The following RARB variants were observed in gnomAD, a reference collection of about 807,000 sequenced individuals.
The protein encoded by RARB is HBV-activated protein.
Under a neutral mutation model 51.9 loss-of-function variants are expected in RARB, and 17 were observed. The ratio of observed to expected loss-of-function variants is 0.33; its 90% CI spans 0.22 to 0.49. The LOEUF (loss-of-function observed/expected upper bound fraction) is 0.49, where lower values mean the gene tolerates loss of function less well. Ranked by LOEUF, RARB falls within the 20% of genes least tolerant of loss-of-function variation. The probability of loss-of-function intolerance (pLI) is 0.99; values close to 1 mark genes in which losing one functional copy is unlikely to be tolerated. For missense variants in RARB, 369 were observed against 550.8 expected, an observed-to-expected ratio of 0.67 and a Z score of 3.30; for synonymous variants, 215 against 195.4, an observed-to-expected ratio of 1.10 and a Z score of -0.84.
chr3:25,295,144 T>C (rs947291461), intron 5 of RARB, among the ~76,000 whole-genome samples: 2 of 152,208 alleles, frequency 1.3e-5, no homozygotes, highest in African/African-American at 4.8e-5. Context: ...CAAGAGCTCT[T>C]AAGTACTTGT....
chr3:24,975,818 G>A (rs910472808), intron 2 of RARB, among the ~76,000 whole-genome samples: 7 of 151,938 alleles, frequency 4.6e-5, no homozygotes, highest in South Asian at 2.1e-4. Context: ...CGTGCACAAC[G>A]TGCAGGTTTG....
intron 2 of RARB, among the ~76,000 whole-genome samples, chr3:24,972,587 C>G (rs1048466208): frequency 6.6e-6 from 1 of 151,996 alleles, no homozygotes; most frequent in African/African-American, 2.4e-5. Flanking sequence ...AGTGGCTACA[C>G]TAATTTACAT....
chr3:25,416,167 A>C (rs141304758), intron 5 of RARB, among the ~76,000 whole-genome samples: 1 of 152,360 alleles, frequency 6.6e-6, no homozygotes, highest in East Asian at 1.9e-4. Context: ...ATATCATTTG[A>C]GCCCAGTAAT....
At chr3:24,984,755 A>G (rs2125428776) in intron 2 of RARB, among the ~76,000 whole-genome samples, 1 of 58,928 alleles carries the variant, frequency 1.7e-5, no homozygotes, top group Non-Finnish European at 3.4e-5. Context: ...TATATGCACA[A>G]AAAAGTTGCT....
At chr3:24,934,300 G>A (rs576162235) in intron 2 of RARB, among the ~76,000 whole-genome samples, 29 of 152,244 alleles carry the variant, frequency 1.9e-4, no homozygotes, top group Non-Finnish European at 3.7e-4. Context: ...CGGCTGAGGG[G>A]TTGGAAGAGT....
chr3:24,901,628 T>C (rs1703608318), intron 2 of RARB, among the ~76,000 whole-genome samples: 1 of 152,332 alleles, frequency 6.6e-6, no homozygotes, highest in East Asian at 1.9e-4. Context: ...ATACAGAGTA[T>C]GCTCAGATTT....
At chr3:25,201,311 C>T (rs1701383864) in intron 5 of RARB, among the ~76,000 whole-genome samples, 3 of 152,170 alleles carry the variant, frequency 2.0e-5, no homozygotes, top group Admixed American at 2.0e-4. Flanking sequence ...AGTTGCTTAT[C>T]AGCTTAAGGC....
chr3:25,005,756 G>A (rs1317336795), intron 2 of RARB, among the ~76,000 whole-genome samples: 2 of 152,034 alleles, frequency 1.3e-5, no homozygotes, highest in Admixed American at 1.3e-4. Context: ...TGGCTACTAC[G>A]CTCCTCCTGG....
intron 3 of RARB, among the ~76,000 whole-genome samples, chr3:25,561,957 G>A (rs985526734): frequency 2.6e-5 from 4 of 152,076 alleles, no homozygotes; most frequent in African/African-American, 4.8e-5. Context: ...GGCAGTCTAT[G>A]CCTATTCCAT....
chr3:24,981,220 G>C (rs1696663374), intron 2 of RARB, among the ~76,000 whole-genome samples: 1 of 152,210 alleles, frequency 6.6e-6, no homozygotes, highest in Non-Finnish European at 1.5e-5. Context: ...AGGCTACACA[G>C]GAGTCAGGGA....
chr3:25,268,309 C>G (rs1703172262), intron 5 of RARB, among the ~76,000 whole-genome samples: 1 of 151,704 alleles, frequency 6.6e-6, no homozygotes, highest in Non-Finnish European at 1.5e-5. Flanking sequence ...TAATGTTGGA[C>G]CTATTCAGGT....
intron 3 of RARB, among the ~76,000 whole-genome samples, chr3:25,548,013 A>G (rs1265369676): frequency 1.3e-5 from 2 of 152,124 alleles, no homozygotes; most frequent in Admixed American, 1.3e-4. Flanking sequence ...GAGCCCCAGA[A>G]AGGAAGATGG....
intron 4 of RARB, among the ~76,000 whole-genome samples, chr3:25,148,865 G>A (rs888671365): frequency 3.3e-5 from 5 of 152,140 alleles, no homozygotes; most frequent in Non-Finnish European, 7.4e-5. Flanking sequence ...GCCAGCCCCT[G>A]AAAAAGGTTG....
intron 2 of RARB, among the ~76,000 whole-genome samples, chr3:24,946,530 T>C (rs919901528): frequency 2.0e-4 from 31 of 152,094 alleles, no homozygotes; most frequent in African/African-American, 6.5e-4. Flanking sequence ...TATAACATAA[T>C]GTGTGCTTAA....
At chr3:25,153,455 C>T (rs1378846893) in intron 4 of RARB, among the ~76,000 whole-genome samples, 1 of 150,576 alleles carries the variant, frequency 6.6e-6, no homozygotes, top group Non-Finnish European at 1.5e-5. Context: ...GACTTTAGTC[C>T]ATTTGTACGA....
chr3:24,966,720 T>G (rs1186653446), intron 2 of RARB, among the ~76,000 whole-genome samples: 3 of 152,094 alleles, frequency 2.0e-5, no homozygotes, highest in African/African-American at 7.2e-5. Flanking sequence ...GTCTAAAGTA[T>G]GGGTTCACCC....
intron 2 of RARB, among the ~76,000 whole-genome samples, chr3:25,500,174 A>C (rs1033232776): frequency 1.3e-5 from 2 of 152,162 alleles, no homozygotes; most frequent in Non-Finnish European, 2.9e-5. Context: ...AATGTAGCTA[A>C]TGTAACTAAA....
At chr3:25,551,857 T>A (rs963223881) in intron 3 of RARB, among the ~76,000 whole-genome samples, 1 of 152,228 alleles carries the variant, frequency 6.6e-6, no homozygotes, top group Non-Finnish European at 1.5e-5. Flanking sequence ...GCCTTCAATC[T>A]GTTTTCCATA....
chr3:24,903,575 T>C (rs1471552203), intron 2 of RARB, among the ~76,000 whole-genome samples: 3 of 152,156 alleles, frequency 2.0e-5, no homozygotes, highest in Non-Finnish European at 4.4e-5. Flanking sequence ...AGGGGGTGCA[T>C]GGTCCATCAA....
Sources: gnomAD v4.1 joint callset for allele counts (sites outside exome capture counted in the v4.1 genomes callset) on GRCh38, gnomAD v4.1.1 for gene constraint, MANE v1.5 for transcripts, NCBI Gene and HGNC (gene_info 2026-07-23, HGNC 2026-07-21) for gene names.